CNTNAP2: variants seen among roughly 807,000 people sequenced by gnomAD.
The protein encoded by CNTNAP2 is contactin associated protein 2.
In CNTNAP2, 98 loss-of-function variants were observed where a neutral mutation model predicts 155.2. That is an observed-to-expected ratio of 0.63 (90% confidence interval 0.54 to 0.75). The LOEUF (loss-of-function observed/expected upper bound fraction) is 0.75. Ranked by LOEUF, CNTNAP2 falls within the 30% of genes least tolerant of loss-of-function variation. CNTNAP2 has a pLI of 0.00. For missense variants in CNTNAP2, 1,727 were observed against 1,688.1 expected (o/e 1.02, Z -0.40); for synonymous variants, 651 against 631.2 (o/e 1.03, Z -0.47).
chr7:147,305,964 A>C (rs1335434860), intron 9 of CNTNAP2, among the ~76,000 whole-genome samples: 1 of 152,066 alleles, frequency 6.6e-6, no homozygotes, highest in Non-Finnish European at 1.5e-5. Context: ...ATCTTCACAT[A>C]GTCTCCTCCC....
chr7:146,845,080 A>G lies in CNTNAP2; in HGVS notation c.402+5176A>G, dbSNP rs891442465. 3.3e-5 allele frequency among the ~76,000 whole-genome samples: 5 copies of G among 152,352 alleles called. No individual in the cohort carries two copies. The East Asian group carries it at 5.8e-4, about 18-fold the overall frequency. On this transcript the variant is annotated intron_variant, in intron 3 of 23. Coordinates refer to ENST00000361727, the MANE Select transcript of CNTNAP2 (RefSeq NM_014141.6). Reference sequence around the variant, plus strand: ...ATACGCTTTTCCCATGTACAAATGCATACACATAATTGTTTCAATAAATTT... The same window carrying G: ...ATACGCTTTTCCCATGTACAAATGCGTACACATAATTGTTTCAATAAATTT...
At chr7:147,479,887 CATTTT>C (rs1195631228) in intron 10 of CNTNAP2, among the ~76,000 whole-genome samples, 2 of 151,746 alleles carry the variant, frequency 1.3e-5, no homozygotes, top group South Asian at 2.1e-4. Flanking sequence ...GTAATAACAA[CATTTT>C]AAATTAGTTA....
intron 21 of CNTNAP2, among the ~76,000 whole-genome samples, chr7:148,341,589 C>T (rs1398060319): frequency 6.6e-6 from 1 of 152,192 alleles, no homozygotes; most frequent in Non-Finnish European, 1.5e-5. Flanking sequence ...CAATGTCACT[C>T]ACCTTCTAAG....
At chr7:146,780,350 T>A (rs1802463732) in intron 2 of CNTNAP2, among the ~76,000 whole-genome samples, 1 of 151,914 alleles carries the variant, frequency 6.6e-6, no homozygotes, top group East Asian at 1.9e-4. Context: ...CATGCCTGGC[T>A]AATTTTTTTT....
intron 1 of CNTNAP2, among the ~76,000 whole-genome samples, chr7:146,304,781 G>A (rs1800678541): frequency 6.6e-6 from 1 of 152,000 alleles, no homozygotes; most frequent in South Asian, 2.1e-4. Context: ...GTATCTTTGT[G>A]GAATTCTCTG....
At chr7:146,710,839 A>T (rs1801053777) in intron 1 of CNTNAP2, among the ~76,000 whole-genome samples, 1 of 152,078 alleles carries the variant, frequency 6.6e-6, no homozygotes, top group Non-Finnish European at 1.5e-5. Flanking sequence ...ATATTTCAAG[A>T]TAAGGGGCTA....
At chr7:147,853,229 A>T (rs1213108823) in intron 13 of CNTNAP2, among the ~76,000 whole-genome samples, 1 of 152,184 alleles carries the variant, frequency 6.6e-6, no homozygotes, top group African/African-American at 2.4e-5. Context: ...ATTGGGGAGG[A>T]GACAAGTCTG....
At chr7:147,931,104 C>CA in intron 14 of CNTNAP2, among the ~76,000 whole-genome samples, 1 of 151,556 alleles carries the variant, frequency 6.6e-6, no homozygotes, top group East Asian at 1.9e-4. Flanking sequence ...GAACGCAAAT[C>CA]AACAACCTAA....
chr7:146,301,350 C>G (rs1337974255), intron 1 of CNTNAP2, among the ~76,000 whole-genome samples: 1 of 152,040 alleles, frequency 6.6e-6, no homozygotes, highest in East Asian at 1.9e-4. Context: ...GGTGACCGGG[C>G]ACAGTGACTC....
intron 3 of CNTNAP2, among the ~76,000 whole-genome samples, chr7:147,025,506 C>A (rs376711752): frequency 1.1e-4 from 3 of 26,786 alleles, no homozygotes; most frequent in East Asian, 2.1e-3. Flanking sequence ...GGGAGGGGGA[C>A]GGGGAGAAGA....
At chr7:146,593,183 T>C (rs1432532854) in intron 1 of CNTNAP2, among the ~76,000 whole-genome samples, 3 of 151,380 alleles carry the variant, frequency 2.0e-5, no homozygotes, top group Non-Finnish European at 4.4e-5. Context: ...ATTATTATTA[T>C]TTATCCCTGA....
intron 1 of CNTNAP2, among the ~76,000 whole-genome samples, chr7:146,203,456 A>C (rs1365798701): frequency 6.6e-6 from 1 of 152,224 alleles, no homozygotes; most frequent in Non-Finnish European, 1.5e-5. Context: ...CCAGATGAAG[A>C]GATGGGCAGG....
At chr7:148,078,955 G>A (rs781549858) in intron 15 of CNTNAP2, among the ~76,000 whole-genome samples, 10 of 152,150 alleles carry the variant, frequency 6.6e-5, no homozygotes, top group Non-Finnish European at 1.5e-4. Context: ...ATTTGTAGAA[G>A]GGAAAAATGA....
At chr7:146,375,208 A>G (rs1307442249) in intron 1 of CNTNAP2, among the ~76,000 whole-genome samples, 3 of 152,234 alleles carry the variant, frequency 2.0e-5, no homozygotes, top group Non-Finnish European at 4.4e-5. Flanking sequence ...TCTCTCAACA[A>G]TTATTTCAAC....
intron 4 of CNTNAP2, among the ~76,000 whole-genome samples, chr7:147,061,038 C>A (rs1799659524): frequency 6.6e-6 from 1 of 151,996 alleles, no homozygotes; most frequent in Non-Finnish European, 1.5e-5. Flanking sequence ...AAGACAAATG[C>A]TGTATGATTC....
intron 4 of CNTNAP2, among the ~76,000 whole-genome samples, chr7:147,106,557 A>G (rs1285143275): frequency 6.6e-6 from 1 of 152,162 alleles, no homozygotes; most frequent in Non-Finnish European, 1.5e-5. Flanking sequence ...TATAAGAATT[A>G]AAATTTAAAG....
At chr7:147,965,466 T>C (rs1801192864) in intron 14 of CNTNAP2, among the ~76,000 whole-genome samples, 1 of 152,028 alleles carries the variant, frequency 6.6e-6, no homozygotes, top group Non-Finnish European at 1.5e-5. Flanking sequence ...TTATCAGCTA[T>C]TGAACTTTTT....
At chr7:146,760,526 G>A (rs977016996) in intron 1 of CNTNAP2, among the ~76,000 whole-genome samples, 1 of 138,942 alleles carries the variant, frequency 7.2e-6, no homozygotes, top group Non-Finnish European at 1.5e-5. Context: ...CTGGGTTCAA[G>A]CCATCCTCCC....
At chr7:148,207,073 T>C (rs946323216) in intron 18 of CNTNAP2, among the ~76,000 whole-genome samples, 9 of 152,234 alleles carry the variant, frequency 5.9e-5, no homozygotes, top group Non-Finnish European at 1.0e-4. Flanking sequence ...GGGAAAAGTA[T>C]ATATCATGTT....
Sources: allele counts gnomAD v4.1 joint callset (sites outside exome capture counted in the v4.1 genomes callset), GRCh38; gene constraint gnomAD v4.1.1; transcripts MANE v1.5; gene names NCBI Gene and HGNC (gene_info 2026-07-23, HGNC 2026-07-21).